Variants in PPIP5K2 observed in about 807,000 individuals in gnomAD.
PPIP5K2 encodes the protein diphosphoinositol pentakisphosphate kinase 2, also known as inositol hexakisphosphate and diphosphoinositol-pentakisphosphate kinase 2.
PPIP5K2 carries 105 observed loss-of-function variants against 154.6 expected under a neutral mutation model. The observed-to-expected ratio is 0.68, with a 90% confidence interval of 0.58 to 0.80. The LOEUF is 0.80. Among genes scored for constraint, PPIP5K2 ranks in the 30% least tolerant of loss-of-function variants. The probability of loss-of-function intolerance (pLI) is 0.00; values close to 1 mark genes in which losing one functional copy is unlikely to be tolerated. For missense variants in PPIP5K2, 992 were observed against 1,504.6 expected (o/e 0.66, Z 5.64); for synonymous variants, 480 against 490.3 (o/e 0.98, Z 0.28).
At chr5:103,142,200 G>A (rs1433350501) in intron 5 of PPIP5K2, among the ~76,000 whole-genome samples, 2 of 152,218 alleles carry the variant, frequency 1.3e-5, no homozygotes, top group African/African-American at 2.4e-5. Context: ...GCTAAGGCTC[G>A]GTGAGAAATC....
At chr5:103,171,468 C>T (rs950018080) in intron 19 of PPIP5K2, among the ~76,000 whole-genome samples, 2 of 151,462 alleles carry the variant, frequency 1.3e-5, no homozygotes, top group East Asian at 1.9e-4. Flanking sequence ...GCTTTCAAGT[C>T]GCCTTAGCTG....
rs563003543 is a variant in PPIP5K2 at position 103,129,153 on chromosome 5, A to G, written c.-284-153A>G. 1.2e-4 allele frequency among the ~76,000 whole-genome samples: 19 copies of G among 152,252 alleles called. No homozygotes were observed. The South Asian group carries it at 3.7e-3, about 30-fold the overall frequency. ...GTTTCTTAATTTTTTTGCTTTTATT[A>G]TAAGTAATTTTCTTATGGGAGAAAA... On this transcript the variant is annotated intron_variant, in intron 1 of 30. Coordinates refer to ENST00000358359, the MANE Select transcript of PPIP5K2 (RefSeq NM_001276277.3).
chr5:103,179,451 C>T (rs1554221913), intron 23 of PPIP5K2, among the ~76,000 whole-genome samples: 1 of 152,000 alleles, frequency 6.6e-6, no homozygotes. Context: ...TTGGAGGATT[C>T]TTGCAATCTG....
chr5:103,147,121 T>C (rs782697587), intron 6 of PPIP5K2, among the ~76,000 whole-genome samples: 2 of 151,916 alleles, frequency 1.3e-5, no homozygotes, highest in African/African-American at 4.8e-5. Context: ...TTGACAAAGA[T>C]AAAAAATATT....
In PPIP5K2 at chr5:103,205,027, C is replaced by T. The variant is rs1407410539; in HGVS notation, c.*3393C>T. 2 of 152,008 alleles carry T rather than the reference C, an allele frequency of 1.3e-5. No homozygotes were observed. Among genetic ancestry groups the T allele is most frequent in the Non-Finnish European group, 2.9e-5 (2 of 68,028 alleles). The allele number at this position is 152,008 out of a possible 1,614,324, so 9.4% of individuals were successfully genotyped here. ...CCCAGCCCCCCACCCACTGACAGGCCCAGTGTGTGATGTTCCCCGCCCTGT... is the reference window on the plus strand; with the variant it reads ...CCCAGCCCCCCACCCACTGACAGGCTCAGTGTGTGATGTTCCCCGCCCTGT... On this transcript the variant is annotated 3_prime_UTR_variant, in exon 31 of 31. Transcript: ENST00000358359.
chr5:103,131,081 A>G (rs1554202517), intron 2 of PPIP5K2, among the ~76,000 whole-genome samples: 1 of 152,128 alleles, frequency 6.6e-6, no homozygotes, highest in Non-Finnish European at 1.5e-5. Context: ...AACCCTCCCC[A>G]GATTTCACAT....
intron 21 of PPIP5K2, among the ~76,000 whole-genome samples, chr5:103,175,900 A>G (rs1177114798): frequency 6.6e-6 from 1 of 152,240 alleles, no homozygotes; most frequent in South Asian, 2.1e-4. Context: ...ACATGTATTT[A>G]CTAAGATGAA....
intron 15 of PPIP5K2, 21 bp downstream of exon 15, chr5:103,158,334 T>G: frequency 6.3e-7 from 1 of 1,598,856 alleles, no homozygotes; most frequent in Non-Finnish European, 8.5e-7. Flanking sequence ...GAGTTTTCTT[T>G]AATTTGACTA....
chr5:103,191,224 T>C (rs1002343429), intron 29 of PPIP5K2, among the ~76,000 whole-genome samples: 1 of 151,930 alleles, frequency 6.6e-6, no homozygotes, highest in Admixed American at 6.6e-5. Flanking sequence ...CCAATAGCAG[T>C]AGAAGTCAAC....
Position 103,204,829 on chromosome 5 carries a change from A to ATT in PPIP5K2, c.*3196_*3197dup, listed in dbSNP as rs1466277588. ...ATTGTGTACTATATAATCTATGTGA[A>ATT]TTATAGCTCCTTAACTAAATATATT... On this transcript the variant is annotated 3_prime_UTR_variant, in exon 31 of 31. Coordinates refer to ENST00000358359, the MANE Select transcript of PPIP5K2 (RefSeq NM_001276277.3). The ATT allele has an allele frequency of 7.2e-6, 1 of 138,772 alleles. No homozygotes were observed. Among genetic ancestry groups the ATT allele is most frequent in the Non-Finnish European group, 1.6e-5 (1 of 60,720 alleles). 8.6% of individuals were successfully genotyped at this position (138,772 alleles called of 1,614,324 possible). A position where few individuals can be genotyped will look rare whatever the true frequency, so the allele number is the denominator to read the frequency against.
rs114936851 is a variant in PPIP5K2, at chr5:103,154,941, G to A, written c.1401G>A (p.Glu467=). The change falls in exon 13 of 31, where the codon GAG becomes GAA. Residue 467 remains glutamate (E), a splice_region_variant and synonymous_variant. Transcript: ENST00000358359. ...PKLEQLKTVL[E]MYGHFSGINR... Reference sequence around the variant, plus strand: ...TTGAACAACTTAAGACTGTATTAGAGATGTGAGTATCTTTTTGAAACGCTT... The same window carrying A: ...TTGAACAACTTAAGACTGTATTAGAAATGTGAGTATCTTTTTGAAACGCTT... 1.5e-4 allele frequency: 236 copies of A among 1,552,364 alleles called. 1 individual carries two copies. The African/African-American group carries it at 2.9e-3, about 19-fold the overall frequency.
chr5:103,132,699 C>T (rs1295207406), intron 2 of PPIP5K2, among the ~76,000 whole-genome samples: 2 of 152,024 alleles, frequency 1.3e-5, no homozygotes, highest in Admixed American at 1.3e-4. Flanking sequence ...AAATGAGAAC[C>T]TCAACACAGC....
intron 3 of PPIP5K2, among the ~76,000 whole-genome samples, chr5:103,135,378 C>T (rs974902713): frequency 6.6e-6 from 1 of 152,080 alleles, no homozygotes; most frequent in East Asian, 1.9e-4. Context: ...TTAACTGTTA[C>T]GGTATACAAC....
intron 1 of PPIP5K2, among the ~76,000 whole-genome samples, chr5:103,125,263 A>G (rs782286309): frequency 6.6e-6 from 1 of 152,190 alleles, no homozygotes; most frequent in Non-Finnish European, 1.5e-5. Flanking sequence ...GTTGGGATAC[A>G]AGCACTCTTA....
In PPIP5K2 at chr5:103,173,314, A is replaced by T. The variant is rs782298037; in HGVS notation, c.2414+32A>T. 7.6e-6 allele frequency: 12 copies of T among 1,585,950 alleles called. No individual in the cohort carries two copies. In the Admixed American group the frequency reaches 2.1e-4, roughly 27 times the overall value. ...AACTGTACTGGTTATTTAAATCTCTAGGCATCTATTTTTGCATACTTCAAA... is the reference window on the plus strand; with the variant it reads ...AACTGTACTGGTTATTTAAATCTCTTGGCATCTATTTTTGCATACTTCAAA... On this transcript the variant is annotated intron_variant, in intron 20 of 30. Transcript: ENST00000358359.
At position 103,158,094 on chromosome 5, in the gene PPIP5K2, C is replaced by G; in HGVS notation, c.1490-94C>G. ...AATATCTTACATATGGGCCATATTT[C>G]ACTGCAGAAGAGAGCACAGAGAAAA... On this transcript the variant is annotated intron_variant, in intron 14 of 30. Transcript: ENST00000358359. 2.3e-6 allele frequency: 3 copies of G among 1,321,574 alleles called. No individual in the cohort carries two copies. The East Asian group carries it at 7.1e-5, about 31-fold the overall frequency. 81.9% of individuals were successfully genotyped at this position (1,321,574 alleles called of 1,614,324 possible).
intron 28 of PPIP5K2, 95 bp downstream of exon 28, chr5:103,187,471 TTTC>T: frequency 1.0e-6 from 1 of 972,292 alleles, no homozygotes; most frequent in Non-Finnish European, 1.5e-6. Flanking sequence ...GTATCATTCA[TTTC>T]TTCATCCTTA....
At chr5:103,188,939 G>T in intron 28 of PPIP5K2, 1 of 385,118 alleles carries the variant, frequency 2.6e-6, no homozygotes, top group Non-Finnish European at 4.6e-6. Flanking sequence ...TATTTCTTTT[G>T]AGTTTTAAGG....
chr5:103,198,434 A>G (rs1395294215), intron 30 of PPIP5K2, among the ~76,000 whole-genome samples: 3 of 152,044 alleles, frequency 2.0e-5, no homozygotes, highest in African/African-American at 7.2e-5. Flanking sequence ...TGTCTTTACT[A>G]TTTGGTTTTT....
Sources: gnomAD v4.1 joint callset for allele counts (sites outside exome capture counted in the v4.1 genomes callset) on GRCh38, gnomAD v4.1.1 for gene constraint, MANE v1.5 for transcripts, NCBI Gene and HGNC (gene_info 2026-07-23, HGNC 2026-07-21) for gene names.